The following MAGI2 variants were observed in gnomAD, a reference collection of about 807,000 sequenced individuals.
The protein encoded by MAGI2 is membrane associated guanylate kinase, WW and PDZ domain containing 2.
MAGI2 carries 35 observed loss-of-function variants against 133.3 expected under a neutral mutation model. The observed-to-expected ratio is 0.26, with a 90% CI of 0.20 to 0.35. The LOEUF (loss-of-function observed/expected upper bound fraction) is 0.35, where lower values mean the gene tolerates loss of function less well. MAGI2 is among the 10% of genes least tolerant of loss of function. The pLI is 1.00. For synonymous variants in MAGI2, 729 were observed against 710.6 expected (o/e 1.03, Z -0.41); for missense variants, 1,636 against 1,863.4 (o/e 0.88, Z 2.25).
At chr7:79,235,664 C>A (rs941505888) in intron 1 of MAGI2, among the ~76,000 whole-genome samples, 6 of 152,086 alleles carry the variant, frequency 3.9e-5, no homozygotes, top group Middle Eastern at 3.2e-3. Context: ...GCGCACGGTG[C>A]GCGCACCCAC....
rs190300819 is a variant in MAGI2 at position 78,909,590 on chromosome 7, G to A, written c.418+97500C>T. Among the ~76,000 whole-genome samples, 912 of 121,662 alleles carry A rather than the reference G, an allele frequency of 7.5e-3. 13 individuals are homozygous for A. The highest frequency in any genetic ancestry group is 0.027 in the African/African-American group (847 of 31,924). The allele number at this position is 121,662 out of a possible 152,430, so 79.8% of individuals were successfully genotyped here. ...TGCACTCCAGCCTGGGCTACAGAGT[G>A]AGACTCCATCTCAAAAAAAAAAAAA... On this transcript the variant is annotated intron_variant, in intron 2 of 21. Transcript: ENST00000354212.
chr7:78,036,866 G>A (rs559444450), intron 21 of MAGI2, among the ~76,000 whole-genome samples: 3 of 152,246 alleles, frequency 2.0e-5, no homozygotes, highest in Non-Finnish European at 2.9e-5. Context: ...CACCCTCTTT[G>A]GCCTCCCAAA....
chr7:78,109,098 A>T (rs1217508860), intron 20 of MAGI2, among the ~76,000 whole-genome samples: 1 of 151,234 alleles, frequency 6.6e-6, no homozygotes, highest in Non-Finnish European at 1.5e-5. Flanking sequence ...AGGTCAGGAG[A>T]TTGAGACCAT....
intron 9 of MAGI2, among the ~76,000 whole-genome samples, chr7:78,332,183 A>T (rs886516433): frequency 1.3e-5 from 2 of 152,236 alleles, no homozygotes; most frequent in African/African-American, 4.8e-5. Flanking sequence ...AATAAAGAGG[A>T]CTGTGCAAGG....
At chr7:78,282,174 T>C (rs563117491) in intron 9 of MAGI2, among the ~76,000 whole-genome samples, 2 of 136,552 alleles carry the variant, frequency 1.5e-5, no homozygotes, top group Admixed American at 7.0e-5. Flanking sequence ...AAAAAGAAGC[T>C]TTGGAATATA....
chr7:78,984,595 C>A (rs1281251883), intron 2 of MAGI2, among the ~76,000 whole-genome samples: 1 of 151,876 alleles, frequency 6.6e-6, no homozygotes, highest in Non-Finnish European at 1.5e-5. Flanking sequence ...ATAATCACAG[C>A]TTTTGTTGTC....
At position 78,392,915 on chromosome 7, in the gene MAGI2, C is replaced by A. The variant is rs147936599; in HGVS notation, c.1046-23702G>T. Reference sequence around the variant, plus strand: ...ACCTCAGGTGATTCGCCTGCCTTGGCCTCCCAAAGTGCTGGGATTACAGGT... The same window carrying A: ...ACCTCAGGTGATTCGCCTGCCTTGGACTCCCAAAGTGCTGGGATTACAGGT... On this transcript the variant is annotated intron_variant, in intron 6 of 21. Transcript: ENST00000354212. 6.3e-3 allele frequency among the ~76,000 whole-genome samples: 957 copies of A among 152,254 alleles called. 18 individuals carry two copies. Among genetic ancestry groups the A allele is most frequent in the African/African-American group, 0.015 (617 of 41,550 alleles).
At chr7:78,323,095 T>A (rs1013541354) in intron 9 of MAGI2, among the ~76,000 whole-genome samples, 1 of 140,942 alleles carries the variant, frequency 7.1e-6, no homozygotes, top group African/African-American at 2.8e-5. Context: ...CAAAAAAAAA[T>A]TTACATTTGA....
At chr7:79,185,516 ATTT>A (rs71095383) in intron 1 of MAGI2, among the ~76,000 whole-genome samples, 24 of 126,590 alleles carry the variant, frequency 1.9e-4, no homozygotes, top group Non-Finnish European at 2.1e-4. Context: ...CAATTTGGTC[ATTT>A]TTTTTTTTTT....
chr7:78,257,006 T>C (rs754802651), intron 9 of MAGI2, among the ~76,000 whole-genome samples: 2 of 152,230 alleles, frequency 1.3e-5, no homozygotes, highest in Admixed American at 6.5e-5. Flanking sequence ...CTAGCATATT[T>C]TTTTTTGTAT....
intron 3 of MAGI2, among the ~76,000 whole-genome samples, chr7:78,592,117 C>T (rs529258819): frequency 1.3e-5 from 2 of 152,294 alleles, no homozygotes; most frequent in Admixed American, 1.3e-4. Flanking sequence ...CCAGACAGAA[C>T]AGTGAACACA....
intron 6 of MAGI2, among the ~76,000 whole-genome samples, chr7:78,463,293 T>G (rs1558698): frequency 0.42 from 63,458 of 152,052 alleles, 15,800 homozygotes; most frequent in Middle Eastern, 0.6. Flanking sequence ...AGAAAAGACA[T>G]GTACAGGGAA....
At position 79,186,221 on chromosome 7, in the gene MAGI2, TA is replaced by T. The variant is rs1562973017; in HGVS notation, c.302-179016del. On this transcript the variant is annotated intron_variant, in intron 1 of 21. Coordinates refer to ENST00000354212, the MANE Select transcript of MAGI2 (RefSeq NM_012301.4). ...ATATATATATATATATATATATATA[TA>T]TATATATATATATATATATATTTAT... Among the ~76,000 whole-genome samples, 15 of 113,120 alleles carry T rather than the reference TA, an allele frequency of 1.3e-4. 1 individual carries two copies. The highest frequency in any genetic ancestry group is 4.1e-4 in the African/African-American group (14 of 33,804). The allele number at this position is 113,120 out of a possible 152,430, so 74.2% of individuals were successfully genotyped here.
At chr7:78,119,050 A>G (rs1820156522) in intron 20 of MAGI2, among the ~76,000 whole-genome samples, 1 of 152,242 alleles carries the variant, frequency 6.6e-6, no homozygotes, top group Admixed American at 6.5e-5. Flanking sequence ...AAAGAAGTCC[A>G]TCTGAAAAGG....
intron 3 of MAGI2, among the ~76,000 whole-genome samples, chr7:78,527,069 A>C (rs1797039256): frequency 6.6e-6 from 1 of 151,736 alleles, no homozygotes; most frequent in Non-Finnish European, 1.5e-5. Context: ...TTTTCCAAAA[A>C]TGTGAATAAA....
chr7:78,600,744 T>G (rs1212312773), intron 3 of MAGI2, among the ~76,000 whole-genome samples: 3 of 152,102 alleles, frequency 2.0e-5, no homozygotes, highest in African/African-American at 7.2e-5. Context: ...TGTGTGTGTG[T>G]GTGGGTGCAT....
intron 1 of MAGI2, among the ~76,000 whole-genome samples, chr7:79,079,506 T>C (rs888699836): frequency 3.9e-5 from 6 of 152,176 alleles, no homozygotes; most frequent in African/African-American, 1.4e-4. Context: ...TTTGATTTTG[T>C]ATTTGAAGAG....
chr7:79,444,732 T>C (rs915175774), intron 1 of MAGI2, among the ~76,000 whole-genome samples: 7 of 152,214 alleles, frequency 4.6e-5, no homozygotes, highest in South Asian at 2.1e-4. Context: ...AAAATGGCCA[T>C]ACTGCCCAAG....
intron 10 of MAGI2, among the ~76,000 whole-genome samples, chr7:78,246,959 T>C (rs1381327610): frequency 1.3e-5 from 2 of 152,120 alleles, no homozygotes; most frequent in Non-Finnish European, 1.5e-5. Flanking sequence ...GCAATCTCTA[T>C]CCAACTCTGC....
Sources: gnomAD v4.1 joint callset for allele counts (sites outside exome capture counted in the v4.1 genomes callset) on GRCh38, gnomAD v4.1.1 for gene constraint, MANE v1.5 for transcripts, NCBI Gene and HGNC (gene_info 2026-07-23, HGNC 2026-07-21) for gene names.